The following KLRG1 variants were observed in gnomAD, a reference collection of about 807,000 sequenced individuals.
The protein encoded by KLRG1 is killer cell lectin like receptor G1.
KLRG1 carries 16 observed loss-of-function variants against 21.8 expected under a neutral mutation model. The observed-to-expected ratio is 0.73, with a 90% confidence interval of 0.50 to 1.11. The LOEUF (loss-of-function observed/expected upper bound fraction) is 1.11, where lower values mean the gene tolerates loss of function less well. Ranked by LOEUF, KLRG1 falls within the 50% of genes most tolerant of loss-of-function variation. KLRG1 has a pLI of 0.00. For synonymous variants in KLRG1, 69 were observed against 75.9 expected (o/e 0.91, Z 0.47); for missense variants, 173 against 218.3 (o/e 0.79, Z 1.31).
chr12:9,199,531 T>C, the KLRG1 span, among the ~76,000 whole-genome samples: 1 of 152,152 alleles, frequency 6.6e-6, no homozygotes, highest in African/African-American at 2.4e-5. Flanking sequence ...CAATGTATCC[T>C]CTTAAAATTG....
At chr12:9,162,773 C>T in the KLRG1 span, 1 of 808,468 alleles carries the variant, frequency 1.2e-6, no homozygotes, top group Non-Finnish European at 2.0e-6. Flanking sequence ...CTCTTTTTTT[C>T]CCAACTTTTG....
At chr12:9,163,903 G>T in the KLRG1 span, 2 of 1,350,482 alleles carry the variant, frequency 1.5e-6, no homozygotes, top group East Asian at 2.3e-5. Context: ...TAAAAAAAAA[G>T]AAACCCACAA....
chr12:9,071,208 AC>A, the KLRG1 span, among the ~76,000 whole-genome samples: 782 of 152,172 alleles, frequency 5.1e-3, 6 homozygotes, highest in African/African-American at 0.018. Flanking sequence ...TTATTTGTTT[AC>A]TTTTATTTTC....
the KLRG1 span, chr12:9,149,545 A>G: frequency 8.1e-6 from 13 of 1,609,232 alleles, no homozygotes; most frequent in Non-Finnish European, 1.1e-5. Flanking sequence ...ACTGGTCATA[A>G]GTGGTGAACT....
At chr12:9,070,694 T>C in the KLRG1 span, 1 of 684,304 alleles carries the variant, frequency 1.5e-6, no homozygotes, top group East Asian at 2.8e-5. Flanking sequence ...TCTTCCCAAA[T>C]ATCTTATCCC....
At chr12:8,957,244 G>A (rs756719926) in intron 1 of KLRG1, among the ~76,000 whole-genome samples, 1 of 152,252 alleles carries the variant, frequency 6.6e-6, no homozygotes, top group African/African-American at 2.4e-5. Flanking sequence ...CTCCTCAGGG[G>A]ACATGTTCCA....
At chr12:9,213,986 TTTGAG>T in the KLRG1 span, among the ~76,000 whole-genome samples, 1 of 152,046 alleles carries the variant, frequency 6.6e-6, no homozygotes, top group African/African-American at 2.4e-5. Context: ...TTGTAATCGA[TTTGAG>T]TTAATTTTTT....
chr12:9,194,812 T>G, the KLRG1 span, among the ~76,000 whole-genome samples: 2 of 152,126 alleles, frequency 1.3e-5, no homozygotes. Context: ...TAATATGCAC[T>G]TGGAATAAGA....
At chr12:9,072,256 T>C in the KLRG1 span, 17 of 1,325,204 alleles carry the variant, frequency 1.3e-5, no homozygotes, top group East Asian at 3.3e-4. Flanking sequence ...TTTTTGTGAA[T>C]AGTGCAAATA....
At chr12:8,954,274 G>A (rs889145735) in intron 1 of KLRG1, among the ~76,000 whole-genome samples, 6 of 152,006 alleles carry the variant, frequency 3.9e-5, no homozygotes, top group Non-Finnish European at 7.4e-5. Context: ...TACCAGGGGC[G>A]GGGTAGGGGA....
At chr12:9,174,316 A>C in the KLRG1 span, among the ~76,000 whole-genome samples, 18 of 152,036 alleles carry the variant, frequency 1.2e-4, no homozygotes. Context: ...TAGGTATTGA[A>C]GGAACATACC....
chr12:9,103,015 A>G, the KLRG1 span, among the ~76,000 whole-genome samples: 2 of 152,198 alleles, frequency 1.3e-5, no homozygotes, highest in Non-Finnish European at 2.9e-5. Context: ...ACATGTCTAC[A>G]TCTCTCTTGA....
intron 1 of KLRG1, among the ~76,000 whole-genome samples, chr12:8,971,787 G>A (rs987472850): frequency 2.0e-5 from 3 of 152,258 alleles, no homozygotes. Flanking sequence ...CACCTGGGAG[G>A]CTGAAGTTGG....
the KLRG1 span, among the ~76,000 whole-genome samples, chr12:9,024,002 G>T: frequency 7.3e-6 from 1 of 136,404 alleles, no homozygotes; most frequent in Non-Finnish European, 1.6e-5. Flanking sequence ...AAAATCAATT[G>T]ATCGTGAACA....
At chr12:9,067,905 C>T in the KLRG1 span, 203 of 1,479,702 alleles carry the variant, frequency 1.4e-4, 1 homozygote, top group East Asian at 1.7e-3. Flanking sequence ...AGTATTCTTT[C>T]CCTTAGTTCT....
chr12:9,151,702 G>C, the KLRG1 span: 6 of 1,573,130 alleles, frequency 3.8e-6, no homozygotes, highest in Non-Finnish European at 4.4e-6. Flanking sequence ...TTCAGTTAAA[G>C]TTAGAGAACA....
At chr12:9,094,758 C>T in the KLRG1 span, among the ~76,000 whole-genome samples, 13 of 152,104 alleles carry the variant, frequency 8.5e-5, no homozygotes, top group African/African-American at 1.2e-4. Context: ...ACTAATCCTA[C>T]GCTTGGAAAC....
the KLRG1 span, chr12:9,149,451 T>C: frequency 1.8e-6 from 2 of 1,099,100 alleles, no homozygotes; most frequent in Non-Finnish European, 2.6e-6. Flanking sequence ...GGACATGCCA[T>C]GTGGATTGTC....
chr12:8,981,879 CT>C (rs1946760383), intron 1 of KLRG1, among the ~76,000 whole-genome samples: 1 of 152,112 alleles, frequency 6.6e-6, no homozygotes, highest in African/African-American at 2.4e-5. Context: ...TTTAACTCAG[CT>C]TTTGCTTCTG....
Sources: allele counts gnomAD v4.1 joint callset (sites outside exome capture counted in the v4.1 genomes callset), GRCh38; gene constraint gnomAD v4.1.1; transcripts MANE v1.5; gene names NCBI Gene and HGNC (gene_info 2026-07-23, HGNC 2026-07-21).